The following UBE2L3 variants were observed in gnomAD, a reference collection of about 807,000 sequenced individuals.
UBE2L3 encodes the protein ubiquitin-conjugating enzyme E2 L3.
Under a neutral mutation model 17.8 loss-of-function variants are expected in UBE2L3, and 1 was observed. The observed-to-expected ratio is 0.06, with a 90% confidence interval of 0.02 to 0.27. The LOEUF (loss-of-function observed/expected upper bound fraction) is 0.27. Ranked by LOEUF, UBE2L3 falls within the 10% of genes least tolerant of loss-of-function variation. The pLI is 1.00. For missense variants in UBE2L3, 40 were observed against 192.6 expected (o/e 0.21, Z 4.69); for synonymous variants, 44 against 68.5 (o/e 0.64, Z 1.76).
chr22:21,620,463 G>A (rs1382847627), intron 3 of UBE2L3, among the ~76,000 whole-genome samples: 1 of 152,098 alleles, frequency 6.6e-6, no homozygotes, highest in African/African-American at 2.4e-5. Context: ...TCAGCAGTTC[G>A]GAGAAGAGGG....
At chr22:21,590,323 G>T (rs1242978995) in intron 1 of UBE2L3, among the ~76,000 whole-genome samples, 2 of 152,018 alleles carry the variant, frequency 1.3e-5, no homozygotes, top group African/African-American at 2.4e-5. Context: ...TCAGCCTCCC[G>T]AGTAGCTGGG....
intron 1 of UBE2L3, among the ~76,000 whole-genome samples, chr22:21,556,771 A>G (rs1210590953): frequency 6.6e-6 from 1 of 152,268 alleles, no homozygotes; most frequent in Non-Finnish European, 1.5e-5. Flanking sequence ...CAATAAAAAA[A>G]TTAATAGGCT....
intron 1 of UBE2L3, among the ~76,000 whole-genome samples, chr22:21,581,212 T>C (rs1008986594): frequency 5.9e-5 from 9 of 152,096 alleles, no homozygotes; most frequent in Admixed American, 4.6e-4. Context: ...AACACTACCA[T>C]GCACAGCTAA....
intron 2 of UBE2L3, among the ~76,000 whole-genome samples, chr22:21,608,589 A>AT (rs974171802): frequency 6.6e-6 from 1 of 151,552 alleles, no homozygotes; most frequent in South Asian, 2.1e-4. Flanking sequence ...CGCTCTGCTA[A>AT]TTTTTTTGTA....
At chr22:21,602,906 T>G (rs1378146567) in intron 2 of UBE2L3, among the ~76,000 whole-genome samples, 1 of 151,740 alleles carries the variant, frequency 6.6e-6, no homozygotes, top group Non-Finnish European at 1.5e-5. Flanking sequence ...GAAGGCTGAG[T>G]TTAGGGGAGG....
chr22:21,582,737 G>A (rs983512639), intron 1 of UBE2L3, among the ~76,000 whole-genome samples: 1 of 152,138 alleles, frequency 6.6e-6, no homozygotes, highest in East Asian at 1.9e-4. Context: ...TGTTGGCCAG[G>A]CTGCTGTTGA....
chr22:21,572,097 T>C (rs1926999337), intron 1 of UBE2L3, among the ~76,000 whole-genome samples: 1 of 152,128 alleles, frequency 6.6e-6, no homozygotes, highest in Non-Finnish European at 1.5e-5. Flanking sequence ...AGGAGTATAC[T>C]CAATTATTGC....
intron 3 of UBE2L3, among the ~76,000 whole-genome samples, chr22:21,617,352 C>T (rs1443268038): frequency 1.3e-5 from 2 of 151,872 alleles, no homozygotes; most frequent in African/African-American, 2.4e-5. Flanking sequence ...TTGCAACCTC[C>T]GCCTCCTGGA....
intron 2 of UBE2L3, among the ~76,000 whole-genome samples, chr22:21,595,705 A>G (rs1928480570): frequency 6.6e-6 from 1 of 152,106 alleles, no homozygotes; most frequent in Non-Finnish European, 1.5e-5. Context: ...ACGTCTAAGG[A>G]AGAAAATATT....
intron 2 of UBE2L3, among the ~76,000 whole-genome samples, chr22:21,606,734 A>G (rs1193620252): frequency 2.0e-5 from 3 of 152,170 alleles, no homozygotes; most frequent in African/African-American, 7.2e-5. Context: ...CTGTAGTCCC[A>G]GCTACTTGGG....
intron 1 of UBE2L3, among the ~76,000 whole-genome samples, chr22:21,569,030 T>C (rs1251032112): frequency 6.6e-6 from 1 of 152,176 alleles, no homozygotes; most frequent in Non-Finnish European, 1.5e-5. Context: ...GGTCGGTTAA[T>C]GGCTTTCTTT....
chr22:21,588,329 G>T (rs1005215970), intron 1 of UBE2L3, among the ~76,000 whole-genome samples: 1 of 151,986 alleles, frequency 6.6e-6, no homozygotes, highest in African/African-American at 2.4e-5. Context: ...TCACTGTCAG[G>T]ACCATTCTCA....
At chr22:21,562,192 T>TC (rs1447887212) in intron 1 of UBE2L3, among the ~76,000 whole-genome samples, 149 of 148,730 alleles carry the variant, frequency 1.0e-3, no homozygotes, top group African/African-American at 3.6e-3. Flanking sequence ...TACCTCTTTT[T>TC]TTTTTCTTTT....
chr22:21,591,120 C>G (rs1928242184), intron 1 of UBE2L3, among the ~76,000 whole-genome samples: 1 of 152,146 alleles, frequency 6.6e-6, no homozygotes, highest in Non-Finnish European at 1.5e-5. Flanking sequence ...GGAGTGGTCC[C>G]TCAGGTTCCG....
intron 3 of UBE2L3, among the ~76,000 whole-genome samples, chr22:21,615,550 G>A (rs150534345): frequency 4.0e-4 from 58 of 146,072 alleles, no homozygotes; most frequent in African/African-American, 1.4e-3. Context: ...GCAAGACTCC[G>A]TCTCAAAAAA....
upstream of UBE2L3, among the ~76,000 whole-genome samples, chr22:21,565,119 G>A (rs368143323): frequency 6.6e-6 from 1 of 151,880 alleles, no homozygotes; most frequent in African/African-American, 2.4e-5. Flanking sequence ...TTGAGACTGA[G>A]TCTTGCTGTG....
chr22:21,611,928 A>G (rs1929500608), intron 3 of UBE2L3, among the ~76,000 whole-genome samples: 1 of 152,260 alleles, frequency 6.6e-6, no homozygotes, highest in Non-Finnish European at 1.5e-5. Context: ...GTAGGGGCTC[A>G]TGGGTCCTTC....
At chr22:21,620,631 G>C (rs1258764506) in intron 3 of UBE2L3, among the ~76,000 whole-genome samples, 2 of 152,106 alleles carry the variant, frequency 1.3e-5, no homozygotes, top group East Asian at 3.9e-4. Flanking sequence ...CGGCACCTAG[G>C]GGGAGTACTG....
At chr22:21,592,247 A>G (rs1928303190) in intron 1 of UBE2L3, among the ~76,000 whole-genome samples, 3 of 152,016 alleles carry the variant, frequency 2.0e-5, no homozygotes, top group African/African-American at 7.2e-5. Flanking sequence ...AGGCTCAGTG[A>G]AGGTTTCCCG....
Sources: gnomAD v4.1 joint callset for allele counts (sites outside exome capture counted in the v4.1 genomes callset) on GRCh38, gnomAD v4.1.1 for gene constraint, MANE v1.5 for transcripts, NCBI Gene and HGNC (gene_info 2026-07-23, HGNC 2026-07-21) for gene names.